SCNN1G: variants seen among roughly 807,000 people sequenced by gnomAD.
SCNN1G encodes sodium channel epithelial 1 subunit gamma.
Under a neutral mutation model 64.6 loss-of-function variants are expected in SCNN1G, and 27 were observed. That is an observed-to-expected ratio of 0.42 (90% CI 0.31 to 0.58). The LOEUF is 0.58. SCNN1G is among the 20% of genes least tolerant of loss of function. The pLI is 0.18. For synonymous variants in SCNN1G, 330 were observed against 314.2 expected (o/e 1.05, Z -0.53); for missense variants, 743 against 823.4 (o/e 0.90, Z 1.19).
At chr16:23,212,782 G>A (rs1302504620) in intron 9 of SCNN1G, 26 bp downstream of exon 9, 47 of 1,613,458 alleles carry the variant, frequency 2.9e-5, no homozygotes, top group Non-Finnish European at 3.7e-5. Flanking sequence ...GGGGTGAGAC[G>A]GGTGGCTGGG....
At chr16:23,188,786 A>T (rs12444767) in intron 2 of SCNN1G, among the ~76,000 whole-genome samples, 22,340 of 152,090 alleles carry the variant, frequency 0.15, 2,078 homozygotes, top group Admixed American at 0.24. Context: ...GAAAGGAGAG[A>T]GGAGAGAGTT....
At position 23,189,305 on chromosome 16, in the gene SCNN1G, G is replaced by A. The variant is rs1959664664; in HGVS notation, c.318-66G>A. 2.6e-6 allele frequency: 4 copies of A among 1,523,728 alleles called. No homozygotes were observed. The African/African-American group carries it at 4.1e-5, about 16-fold the overall frequency. The allele number at this position is 1,523,728 out of a possible 1,614,324, so 94.4% of individuals were successfully genotyped here. ...ACACGTGTTGATGGAAAACAGCCTG[G>A]AGGAGCACCAGAGTTCTGCCAGGGC... On this transcript the variant is annotated intron_variant, in intron 2 of 12. Coordinates refer to ENST00000300061, the MANE Select transcript of SCNN1G (RefSeq NM_001039.4).
At chr16:23,192,610 G>C in intron 4 of SCNN1G, 68 bp downstream of exon 4, 2 of 1,309,386 alleles carry the variant, frequency 1.5e-6, no homozygotes, top group Non-Finnish European at 2.2e-6. Flanking sequence ...CCCCTTGCAG[G>C]AACCTACAGC....
intron 11 of SCNN1G, among the ~76,000 whole-genome samples, chr16:23,214,132 G>C (rs1457490359): frequency 6.6e-6 from 1 of 152,196 alleles, no homozygotes; most frequent in East Asian, 1.9e-4. Flanking sequence ...TGGAGTACTG[G>C]CTCAGCCAAT....
In SCNN1G at chr16:23,192,574, A is replaced by G. The variant is rs759499157; in HGVS notation, c.809+32A>G. ...AGAGAATGCTGCTCTCTCAGCCTCTAAGGACTGGCAGCTCTGAGTACCAGG... is the reference window on the plus strand; with the variant it reads ...AGAGAATGCTGCTCTCTCAGCCTCTGAGGACTGGCAGCTCTGAGTACCAGG... On this transcript the variant is annotated intron_variant, in intron 4 of 12. Coordinates refer to ENST00000300061, the MANE Select transcript of SCNN1G (RefSeq NM_001039.4). 3.8e-6 allele frequency: 6 copies of G among 1,572,162 alleles called. No homozygotes were observed. In the East Asian group the frequency reaches 9.0e-5, roughly 24 times the overall value.
At position 23,214,767 on chromosome 16, in the gene SCNN1G, A is replaced by G; in HGVS notation, c.1549A>G (p.Met517Val). The G allele has an allele frequency of 6.2e-7, 1 of 1,614,056 alleles. No homozygotes were observed. Among genetic ancestry groups the G allele is most frequent in the Non-Finnish European group, 8.5e-7 (1 of 1,179,912 alleles). Reference sequence around the variant, plus strand: ...CAAAGACCTGAACCAGAGATCCATCATGGAGAGCCCAGCCAACAGTGTGAG... The same window carrying G: ...CAAAGACCTGAACCAGAGATCCATCGTGGAGAGCCCAGCCAACAGTGTGAG... ...FYKDLNQRSI[M>V]ESPANSIEML... is the part of the protein sequence containing the mutation. Residue 517 changes from methionine (M) to valine (V), a missense_variant, in exon 12 of 13, where the codon ATG (methionine) becomes GTG (valine). Transcript: ENST00000300061.
In SCNN1G at chr16:23,216,006, C is replaced by G. The variant is rs924089620; in HGVS notation, c.*537C>G. ...CATCATTGACACTGGAGAAAGGTGT[C>G]CTCCATGCCCTCAGGCAGCAGAGAA... is the stretch of plus-strand genomic sequence containing the variant. On this transcript the variant is annotated 3_prime_UTR_variant, in exon 13 of 13. Transcript: ENST00000300061. The G allele has an allele frequency of 5.2e-6, 1 of 192,060 alleles. No homozygotes were observed. The highest frequency in any genetic ancestry group is 5.3e-5 in the Admixed American group (1 of 18,782). The allele number at this position is 192,060 out of a possible 1,614,324, so 11.9% of individuals were successfully genotyped here. A position where few individuals can be genotyped will look rare whatever the true frequency, so the allele number is the denominator to read the frequency against.
At chr16:23,190,372 G>T (rs557346734) in intron 3 of SCNN1G, among the ~76,000 whole-genome samples, 1 of 150,830 alleles carries the variant, frequency 6.6e-6, no homozygotes, top group East Asian at 2.0e-4. Context: ...TTAAGTAGTG[G>T]GGGGCAGAGT....
intron 3 of SCNN1G, among the ~76,000 whole-genome samples, chr16:23,190,085 G>A (rs181798544): frequency 1.3e-5 from 2 of 151,640 alleles, no homozygotes; most frequent in African/African-American, 4.8e-5. Flanking sequence ...AAAGGGGAGA[G>A]TTGGGGGGCA....
chr16:23,213,145 T>A lies in SCNN1G; in HGVS notation c.1475T>A (p.Val492Glu). 6.2e-7 allele frequency: 1 copy of A among 1,613,600 alleles called. No homozygotes were observed. The highest frequency in any genetic ancestry group is 8.5e-7 in the Non-Finnish European group (1 of 1,179,750). ...CTCACTTGGGACCAAGGCCGGCAAG[T>A]AAACAAAAAGCTCAACAAGTAAGTT... Reference protein sequence around the residue: ...PVLTWDQGRQVNKKLNKTDLA... With the variant: ...PVLTWDQGRQENKKLNKTDLA... Residue 492 changes from valine (V) to glutamate (E), a missense_variant, in exon 11 of 13, where the codon GTA becomes GAA. By Grantham distance (121) the Val-to-Glu change is moderately radical. Coordinates refer to ENST00000300061, the MANE Select transcript of SCNN1G (RefSeq NM_001039.4).
chr16:23,207,829 A>G (rs1960014781), intron 6 of SCNN1G, among the ~76,000 whole-genome samples: 1 of 152,192 alleles, frequency 6.6e-6, no homozygotes, highest in Non-Finnish European at 1.5e-5. Flanking sequence ...GGATTATACC[A>G]GTTGAGATGG....
chr16:23,212,737 G>A lies in SCNN1G; in HGVS notation c.1354G>A (p.Val452Met). Residue 452 changes from valine to methionine, a missense_variant, in exon 9 of 13, where the codon GTG becomes ATG. By Grantham distance (21) the Val-to-Met change is conservative (BLOSUM62 1). Transcript: ENST00000300061. The part of the protein sequence containing the change: ...FVQEELGCQS[V>M]CKEACSFKEW... ...CCAGGAAGAGCTGGGCTGCCAGTCT[G>A]TGTGCAAGGAAGCCTGCAGGTATGT... 1 of 1,614,196 alleles carries A rather than the reference G, an allele frequency of 6.2e-7. No individual in the cohort carries two copies. Among genetic ancestry groups the A allele is most frequent in the Non-Finnish European group, 8.5e-7 (1 of 1,180,026 alleles).
In SCNN1G at chr16:23,187,967, A is replaced by T. The variant is rs557153054; in HGVS notation, c.317+1379A>T. 8.6e-5 allele frequency among the ~76,000 whole-genome samples: 13 copies of T among 150,664 alleles called. No individual in the cohort carries two copies. In the South Asian group the frequency reaches 2.7e-3, roughly 32 times the overall value. On this transcript the variant is annotated intron_variant, in intron 2 of 12. Transcript: ENST00000300061. The stretch of plus-strand genomic sequence containing the variant: ...GCTCAAAATCAAGATCAAGTCTAAG[A>T]CTCTCTCTCCGCCCTCCATGTCTTC...
chr16:23,212,738 T>A lies in SCNN1G; in HGVS notation c.1355T>A (p.Val452Glu), dbSNP rs571246104. 2 of 1,614,160 alleles carry A rather than the reference T, an allele frequency of 1.2e-6. No homozygotes were observed. Among genetic ancestry groups the A allele is most frequent in the East Asian group, 2.2e-5 (1 of 44,878 alleles). The change falls in exon 9 of 13, where the codon GTG becomes GAG. Residue 452 changes from valine (V) to glutamate (E), a missense_variant. Transcript: ENST00000300061. ...FVQEELGCQS[V>E]CKEACSFKEW... ...CAGGAAGAGCTGGGCTGCCAGTCTG[T>A]GTGCAAGGAAGCCTGCAGGTATGTG...
At chr16:23,191,848 G>A (rs1339071788) in intron 3 of SCNN1G, among the ~76,000 whole-genome samples, 1 of 152,164 alleles carries the variant, frequency 6.6e-6, no homozygotes, top group Non-Finnish European at 1.5e-5. Flanking sequence ...GGTCCTCCCA[G>A]CTACCACACG....
chr16:23,185,521 G>A (rs1162330010), intron 1 of SCNN1G, among the ~76,000 whole-genome samples: 1 of 152,176 alleles, frequency 6.6e-6, no homozygotes, highest in Non-Finnish European at 1.5e-5. Context: ...TAGAATCAAG[G>A]AAATATGGCA....
chr16:23,207,200 G>A (rs142469562), intron 6 of SCNN1G, among the ~76,000 whole-genome samples: 2 of 152,292 alleles, frequency 1.3e-5, no homozygotes, highest in African/African-American at 4.8e-5. Flanking sequence ...GGTTTTCAGG[G>A]TAGAGGGAGC....
At chr16:23,211,694 C>T (rs760314581) in intron 7 of SCNN1G, among the ~76,000 whole-genome samples, 2 of 152,104 alleles carry the variant, frequency 1.3e-5, no homozygotes, top group Non-Finnish European at 2.9e-5. Flanking sequence ...CATCTGTAAT[C>T]GCAGCTACTT....
intron 6 of SCNN1G, among the ~76,000 whole-genome samples, chr16:23,205,732 C>A (rs1959979758): frequency 6.6e-6 from 1 of 151,400 alleles, no homozygotes. Flanking sequence ...CCTCCCAGGT[C>A]TGCACAGGTT....
Sources: gnomAD v4.1 joint callset for allele counts (sites outside exome capture counted in the v4.1 genomes callset) on GRCh38, gnomAD v4.1.1 for gene constraint, MANE v1.5 for transcripts, NCBI Gene and HGNC (gene_info 2026-07-23, HGNC 2026-07-21) for gene names.